MCC: variants seen among roughly 807,000 people sequenced by gnomAD.
MCC encodes MCC regulator of Wnt signaling pathway.
Under a neutral mutation model 116.2 loss-of-function variants are expected in MCC, and 90 were observed. The observed-to-expected ratio is 0.77, with a 90% CI of 0.65 to 0.92. The LOEUF (loss-of-function observed/expected upper bound fraction) is 0.92. MCC is among the 40% of genes least tolerant of loss of function. The pLI, the probability that MCC is intolerant of heterozygous loss-of-function variation, is 0.00. For missense variants in MCC, 1,516 were observed against 1,312.2 expected (o/e 1.16, Z -2.40); for synonymous variants, 578 against 510.5 (o/e 1.13, Z -1.78).
chr5:113,257,272 G>A (rs1235754082), intron 3 of MCC, among the ~76,000 whole-genome samples: 1 of 152,070 alleles, frequency 6.6e-6, no homozygotes, highest in African/African-American at 2.4e-5. Context: ...TGACAGATTT[G>A]GGCATCATTA....
intron 14 of MCC, among the ~76,000 whole-genome samples, chr5:113,059,342 T>G (rs1753055428): frequency 6.6e-6 from 1 of 152,150 alleles, no homozygotes; most frequent in South Asian, 2.1e-4. Flanking sequence ...TTTGAGCTCT[T>G]AACGTTTCAC....
At chr5:113,225,645 G>A (rs1763703800) in intron 3 of MCC, among the ~76,000 whole-genome samples, 1 of 152,158 alleles carries the variant, frequency 6.6e-6, no homozygotes, top group Non-Finnish European at 1.5e-5. Flanking sequence ...ATTACAGTAA[G>A]AGGATAAGAA....
rs192389100 is a variant in MCC at position 113,164,707 on chromosome 5, T to C, written c.628-13285A>G. On this transcript the variant is annotated intron_variant, in intron 3 of 18. Coordinates refer to ENST00000408903, the MANE Select transcript of MCC (RefSeq NM_001085377.2). ...GAAACCACAAACTTCCAAGCTGACC[T>C]GTCACATTTACCACGGGTATCCAGG... Among the ~76,000 whole-genome samples, 801 of 152,346 alleles carry C rather than the reference T, an allele frequency of 5.3e-3. 7 individuals are homozygous for C. Among genetic ancestry groups the C allele is most frequent in the Middle Eastern group, 0.017 (5 of 294 alleles).
chr5:113,416,992 A>G (rs1186660574), intron 1 of MCC, among the ~76,000 whole-genome samples: 1 of 120,674 alleles, frequency 8.3e-6, no homozygotes, highest in Admixed American at 9.5e-5. Context: ...TTTTTTTGAG[A>G]CGGAGTCTTG....
intron 1 of MCC, among the ~76,000 whole-genome samples, chr5:113,478,687 G>A (rs986655669): frequency 1.2e-4 from 19 of 152,182 alleles, no homozygotes; most frequent in African/African-American, 4.3e-4. Flanking sequence ...AAAGAGTAAA[G>A]ATGGTGGACA....
chr5:113,098,117 C>T (rs1756152437), intron 8 of MCC, among the ~76,000 whole-genome samples: 1 of 152,220 alleles, frequency 6.6e-6, no homozygotes, highest in African/African-American at 2.4e-5. Flanking sequence ...CAGCGGGACA[C>T]AGTTTCATGT....
At chr5:113,443,309 G>A (rs1771104197) in intron 1 of MCC, among the ~76,000 whole-genome samples, 1 of 152,044 alleles carries the variant, frequency 6.6e-6, no homozygotes, top group Non-Finnish European at 1.5e-5. Flanking sequence ...GTCTGTTACT[G>A]GTGTATAGAA....
intron 3 of MCC, among the ~76,000 whole-genome samples, chr5:113,228,790 G>A (rs530009113): frequency 3.3e-5 from 5 of 152,196 alleles, no homozygotes; most frequent in South Asian, 2.1e-4. Context: ...CAAGAAACAC[G>A]GAGCAAATAA....
intron 5 of MCC, 145 bp from the exon 6 acceptor site, chr5:113,122,971 C>T (rs1043224570): frequency 8.8e-5 from 71 of 804,320 alleles, no homozygotes; most frequent in East Asian, 1.3e-4. Context: ...TTCTCCCAGG[C>T]GAAATAGATA....
chr5:113,467,217 T>C (rs1274467137), intron 1 of MCC, among the ~76,000 whole-genome samples: 1 of 151,912 alleles, frequency 6.6e-6, no homozygotes, highest in Non-Finnish European at 1.5e-5. Flanking sequence ...TTTTGGTTTT[T>C]GTTGCCATTG....
At chr5:113,288,540 C>A (rs1432890105) in intron 3 of MCC, among the ~76,000 whole-genome samples, 1 of 152,208 alleles carries the variant, frequency 6.6e-6, no homozygotes, top group African/African-American at 2.4e-5. Flanking sequence ...GCTTTGAATT[C>A]CTCCACCACT....
At chr5:113,421,657 A>G (rs1338253604) in intron 1 of MCC, among the ~76,000 whole-genome samples, 1 of 151,604 alleles carries the variant, frequency 6.6e-6, no homozygotes, top group Non-Finnish European at 1.5e-5. Flanking sequence ...AAGGACCCAG[A>G]CTCTCTTCCT....
At chr5:113,481,647 A>C (rs1026829362) in intron 1 of MCC, among the ~76,000 whole-genome samples, 11 of 152,072 alleles carry the variant, frequency 7.2e-5, no homozygotes, top group African/African-American at 2.7e-4. Context: ...GCTGAGGCAG[A>C]AGAATCGCTT....
In MCC at chr5:113,071,351, A is replaced by C. The variant is rs1754028831; in HGVS notation, c.1785-117T>G. 1.5e-5 allele frequency: 15 copies of C among 982,528 alleles called. No homozygotes were observed. The South Asian group carries it at 2.5e-4, about 16-fold the overall frequency. 60.9% of individuals were successfully genotyped at this position (982,528 alleles called of 1,614,324 possible). On this transcript the variant is annotated intron_variant, in intron 11 of 18. Coordinates refer to ENST00000408903, the MANE Select transcript of MCC (RefSeq NM_001085377.2). ...TGTGAGGATGTGGGCCTGTCAGATT[A>C]GTAGCTGACACAGTATTTTGTCAAA...
chr5:113,167,210 CA>C (rs1275940411), intron 3 of MCC, among the ~76,000 whole-genome samples: 2 of 152,098 alleles, frequency 1.3e-5, no homozygotes, highest in Non-Finnish European at 2.9e-5. Flanking sequence ...TTTCATGTGG[CA>C]AAGAAAAACA....
chr5:113,077,651 A>C (rs1754550580), intron 11 of MCC, among the ~76,000 whole-genome samples: 1 of 152,276 alleles, frequency 6.6e-6, no homozygotes, highest in South Asian at 2.1e-4. Context: ...GGACACATTT[A>C]AAGCAGTGTG....
chr5:113,122,755 C>G lies in MCC; in HGVS notation c.956G>C (p.Arg319Pro), dbSNP rs371091745. ...QSQHEVNEDS[R>P]SMDQDQTSVS... ...AGAGGTCTGGTCTTGGTCCATGCTT[C>G]GAGAGTCCTCGTTGACCTCGTGTTG... Residue 319 changes from arginine to proline, a missense_variant, in exon 6 of 19, where the codon CGA (arginine) becomes CCA (proline). Coordinates refer to ENST00000408903, the MANE Select transcript of MCC (RefSeq NM_001085377.2). 8 of 1,614,024 alleles carry G rather than the reference C, an allele frequency of 5.0e-6. No homozygotes were observed. In the African/African-American group the frequency reaches 9.3e-5, roughly 19 times the overall value.
chr5:113,472,377 G>C (rs1156842810), intron 1 of MCC, among the ~76,000 whole-genome samples: 1 of 152,132 alleles, frequency 6.6e-6, no homozygotes, highest in Non-Finnish European at 1.5e-5. Context: ...CACCAATAAA[G>C]CCTAGTTGAT....
intron 1 of MCC, among the ~76,000 whole-genome samples, chr5:113,388,966 G>C (rs1283774186): frequency 6.6e-6 from 1 of 152,068 alleles, no homozygotes; most frequent in Non-Finnish European, 1.5e-5. Flanking sequence ...AAAACAATTA[G>C]GGACAGCACT....
Sources: allele counts gnomAD v4.1 joint callset (sites outside exome capture counted in the v4.1 genomes callset), GRCh38; gene constraint gnomAD v4.1.1; transcripts MANE v1.5; gene names NCBI Gene and HGNC (gene_info 2026-07-23, HGNC 2026-07-21).